Variants in SLC7A14 observed in about 807,000 individuals in gnomAD.
SLC7A14 encodes solute carrier family 7 member 14, also known as gamma-aminobutyric acid transporter SLC7A14.
SLC7A14 carries 37 observed loss-of-function variants against 60.2 expected under a neutral mutation model. That is an observed-to-expected ratio of 0.61 (90% CI 0.47 to 0.81). The LOEUF (loss-of-function observed/expected upper bound fraction) is 0.81, where lower values mean the gene tolerates loss of function less well. Ranked by LOEUF, SLC7A14 falls within the 30% of genes least tolerant of loss-of-function variation. The pLI is 0.00. For missense variants in SLC7A14, 886 were observed against 982.7 expected (o/e 0.90, Z 1.32); for synonymous variants, 399 against 395.8 (o/e 1.01, Z -0.10).
intron 3 of SLC7A14, among the ~76,000 whole-genome samples, chr3:170,500,702 G>A (rs1712580015): frequency 6.6e-6 from 1 of 151,932 alleles, no homozygotes; most frequent in African/African-American, 2.4e-5. Flanking sequence ...TATAGTTATT[G>A]ACATGTGCCT....
At chr3:170,557,430 G>A (rs373470618) in intron 1 of SLC7A14, among the ~76,000 whole-genome samples, 1 of 152,184 alleles carries the variant, frequency 6.6e-6, no homozygotes, top group East Asian at 1.9e-4. Context: ...AATAAATACT[G>A]ATTCTGTGTC....
intron 1 of SLC7A14, among the ~76,000 whole-genome samples, chr3:170,533,386 T>G (rs1408149033): frequency 1.3e-5 from 2 of 152,252 alleles, no homozygotes; most frequent in Non-Finnish European, 2.9e-5. Context: ...AGTTTTGCTC[T>G]CTGTATCTAT....
chr3:170,460,984 G>C lies in SLC7A14; in HGVS notation c.*6071C>G, dbSNP rs1479247114. ...GGCTGGAGTGCAATGGTGTGATCTCGACTCACTGCAACCTCTGCCTCCCGG... is the reference window on the plus strand; with the variant it reads ...GGCTGGAGTGCAATGGTGTGATCTCCACTCACTGCAACCTCTGCCTCCCGG... On this transcript the variant is annotated 3_prime_UTR_variant, in exon 8 of 8. Transcript: ENST00000231706. 1 of 152,232 alleles carries C rather than the reference G, an allele frequency of 6.6e-6. No individual in the cohort carries two copies. The allele number at this position is 152,232 out of a possible 1,614,324, so 9.4% of individuals were successfully genotyped here.
chr3:170,550,009 A>AAG (rs1336510074), intron 1 of SLC7A14, among the ~76,000 whole-genome samples: 3 of 152,224 alleles, frequency 2.0e-5, no homozygotes, highest in African/African-American at 7.2e-5. Flanking sequence ...GGAAAAGAGG[A>AAG]AGACCCTGAG....
intron 1 of SLC7A14, among the ~76,000 whole-genome samples, chr3:170,556,053 G>T (rs987328690): frequency 8.5e-5 from 13 of 152,194 alleles, no homozygotes; most frequent in Non-Finnish European, 1.5e-4. Context: ...CTGGCACAAA[G>T]TTCTGCCCAT....
chr3:170,567,885 T>A (rs1190677832), intron 1 of SLC7A14, among the ~76,000 whole-genome samples: 1 of 151,626 alleles, frequency 6.6e-6, no homozygotes, highest in Non-Finnish European at 1.5e-5. Context: ...TTTGTTTGAG[T>A]TCATTGTAGA....
Position 170,466,341 on chromosome 3 carries a change from T to C in SLC7A14, c.*714A>G, listed in dbSNP as rs6444934. On this transcript the variant is annotated 3_prime_UTR_variant, in exon 8 of 8. Coordinates refer to ENST00000231706, the MANE Select transcript of SLC7A14 (RefSeq NM_020949.3). ...TTTCTGCCAATGCCCTTCTGGCTTT[T>C]ACCGCAAGATATGGTTATTTAATTT... The C allele has an allele frequency of 0.81, 122,896 of 152,024 alleles. 50,299 individuals carry two copies. The highest frequency in any genetic ancestry group is 0.95 in the African/African-American group (39,370 of 41,538). The allele number at this position is 152,024 out of a possible 1,614,324, so 9.4% of individuals were successfully genotyped here. A position where few individuals can be genotyped will look rare whatever the true frequency, so the allele number is the denominator to read the frequency against.
At chr3:170,551,639 C>A (rs567153696) in intron 1 of SLC7A14, among the ~76,000 whole-genome samples, 60 of 152,286 alleles carry the variant, frequency 3.9e-4, no homozygotes, top group African/African-American at 1.4e-3. Flanking sequence ...ACTTTTATTT[C>A]CCTAATGACT....
rs532132906 is a variant in SLC7A14, at chr3:170,476,534, G to A, written c.1993+3755C>T. ...TGCTATCAGCAAGATTACAAAAGGC[G>A]CTCAGGGAGTTTTCCTCTGCCTGAT... On this transcript the variant is annotated intron_variant, in intron 7 of 7. Coordinates refer to ENST00000231706, the MANE Select transcript of SLC7A14 (RefSeq NM_020949.3). 3.9e-5 allele frequency among the ~76,000 whole-genome samples: 6 copies of A among 152,320 alleles called. No homozygotes were observed. The South Asian group carries it at 8.3e-4, about 21-fold the overall frequency.
At chr3:170,523,080 A>G (rs938425062) in intron 2 of SLC7A14, among the ~76,000 whole-genome samples, 3 of 152,228 alleles carry the variant, frequency 2.0e-5, no homozygotes, top group African/African-American at 7.2e-5. Context: ...AAATAATAAA[A>G]ACCACTTATT....
At chr3:170,489,330 A>G (rs953244565) in intron 4 of SLC7A14, among the ~76,000 whole-genome samples, 13 of 152,260 alleles carry the variant, frequency 8.5e-5, no homozygotes, top group African/African-American at 2.9e-4. Context: ...AAAAGAAGAC[A>G]TACAGAGGGC....
In SLC7A14 at chr3:170,527,088, T is replaced by A; in HGVS notation, c.-152A>T. ...TGCAGCCTTCTCCTGGGCATGAATG[T>A]CTGCAGGAAAAACACAAGAAAGCAG... On this transcript the variant is annotated splice_region_variant and 5_prime_UTR_variant, in exon 2 of 8. Coordinates refer to ENST00000231706, the MANE Select transcript of SLC7A14 (RefSeq NM_020949.3). 2 of 773,926 alleles carry A rather than the reference T, an allele frequency of 2.6e-6. No individual in the cohort carries two copies. Among genetic ancestry groups the A allele is most frequent in the Non-Finnish European group, 4.0e-6 (2 of 496,204 alleles). The allele number at this position is 773,926 out of a possible 1,614,324, so 47.9% of individuals were successfully genotyped here. A position where few individuals can be genotyped will look rare whatever the true frequency, so the allele number is the denominator to read the frequency against.
chr3:170,583,012 A>G (rs1197105015), intron 1 of SLC7A14, among the ~76,000 whole-genome samples: 5 of 152,246 alleles, frequency 3.3e-5, no homozygotes, highest in African/African-American at 1.2e-4. Flanking sequence ...AACTTCACAT[A>G]GTGCCTCACA....
At chr3:170,494,907 G>GT (rs1357394801) in intron 4 of SLC7A14, among the ~76,000 whole-genome samples, 1 of 152,192 alleles carries the variant, frequency 6.6e-6, no homozygotes, top group Non-Finnish European at 1.5e-5. Flanking sequence ...TACTGCTTTG[G>GT]TAGAAAGGGC....
In SLC7A14 at chr3:170,463,326, T is replaced by C. The variant is rs1234914784; in HGVS notation, c.*3729A>G. 6.6e-6 allele frequency: 1 copy of C among 152,132 alleles called. No individual in the cohort carries two copies. The highest frequency in any genetic ancestry group is 6.6e-5 in the Admixed American group (1 of 15,246). 9.4% of individuals were successfully genotyped at this position (152,132 alleles called of 1,614,324 possible). ...ATTCATGCCGATCCTTTGCTTGGCA[T>C]GCCTTTCTCTCATTTCTACTTGATA... On this transcript the variant is annotated 3_prime_UTR_variant, in exon 8 of 8. Coordinates refer to ENST00000231706, the MANE Select transcript of SLC7A14 (RefSeq NM_020949.3).
chr3:170,514,724 G>A (rs1373469658), intron 2 of SLC7A14, among the ~76,000 whole-genome samples: 1 of 152,038 alleles, frequency 6.6e-6, no homozygotes, highest in Admixed American at 6.6e-5. Context: ...TTTTGCTAGC[G>A]GCGGACTGAG....
intron 7 of SLC7A14, among the ~76,000 whole-genome samples, chr3:170,476,214 G>A (rs903909845): frequency 6.6e-6 from 1 of 152,212 alleles, no homozygotes; most frequent in African/African-American, 2.4e-5. Context: ...GGCTTAGAAT[G>A]TTTCAGAAGC....
At chr3:170,529,989 G>A (rs373298656) in intron 1 of SLC7A14, among the ~76,000 whole-genome samples, 8 of 152,120 alleles carry the variant, frequency 5.3e-5, no homozygotes, top group African/African-American at 1.7e-4. Context: ...CTTAGTCTTG[G>A]ATTTCTAGAC....
chr3:170,486,204 C>T lies in SLC7A14; in HGVS notation c.906+18G>A. On this transcript the variant is annotated intron_variant, in intron 5 of 7. Coordinates refer to ENST00000231706, the MANE Select transcript of SLC7A14 (RefSeq NM_020949.3). ...GGGCCACATCGTGAGGAGGGTCCCG[C>T]AAGCATCTGGTACTTACAGACACAT... The T allele has an allele frequency of 1.2e-6, 2 of 1,613,476 alleles. No homozygotes were observed. Among genetic ancestry groups the T allele is most frequent in the African/African-American group, 2.7e-5 (2 of 75,032 alleles).
Sources: allele counts gnomAD v4.1 joint callset (sites outside exome capture counted in the v4.1 genomes callset), GRCh38; gene constraint gnomAD v4.1.1; transcripts MANE v1.5; gene names NCBI Gene and HGNC (gene_info 2026-07-23, HGNC 2026-07-21).